MMP26: variants seen among roughly 807,000 people sequenced by gnomAD.
The protein encoded by MMP26 is matrix metallopeptidase 26.
Under a neutral mutation model 31.0 loss-of-function variants are expected in MMP26, and 33 were observed. The observed-to-expected ratio is 1.06, with a 90% CI of 0.81 to 1.42. MMP26 has a LOEUF of 1.42. Among genes scored for constraint, MMP26 ranks in the 40% most tolerant of loss-of-function variants. The pLI is 0.00. For missense variants in MMP26, 347 were observed against 316.1 expected (o/e 1.10, Z -0.74); for synonymous variants, 122 against 114.9 (o/e 1.06, Z -0.40).
intron 2 of MMP26, chr11:4,803,912 G>T (rs773838194): frequency 6.2e-7 from 1 of 1,613,296 alleles, no homozygotes; most frequent in South Asian, 1.1e-5. Flanking sequence ...CTCACCCACA[G>T]CAGCCCTCTC....
At chr11:4,933,232 A>G (rs542439299) in intron 2 of MMP26, among the ~76,000 whole-genome samples, 2 of 152,024 alleles carry the variant, frequency 1.3e-5, no homozygotes, top group African/African-American at 4.8e-5. Flanking sequence ...TGTTATCTCA[A>G]TGTTTGCTAA....
At chr11:4,791,938 T>C (rs1376435965) in intron 2 of MMP26, among the ~76,000 whole-genome samples, 1 of 151,916 alleles carries the variant, frequency 6.6e-6, no homozygotes, top group South Asian at 2.1e-4. Context: ...TAGGTTTTCT[T>C]TGGGTCTTTA....
intron 2 of MMP26, among the ~76,000 whole-genome samples, chr11:4,925,291 A>C (rs1321603250): frequency 1.3e-5 from 2 of 152,186 alleles, no homozygotes; most frequent in African/African-American, 4.8e-5. Context: ...GTATTTTCCC[A>C]CTACTATTGC....
intron 1 of MMP26, among the ~76,000 whole-genome samples, chr11:4,705,853 T>C (rs1847768627): frequency 7.1e-6 from 1 of 140,734 alleles, no homozygotes; most frequent in Non-Finnish European, 1.7e-5. Context: ...CTGGGTGTGG[T>C]GGCATGTACC....
intron 2 of MMP26, among the ~76,000 whole-genome samples, chr11:4,884,957 A>C (rs1169365814): frequency 1.3e-5 from 2 of 152,116 alleles, no homozygotes; most frequent in East Asian, 1.9e-4. Context: ...ATTGAATTCC[A>C]GAGGTTTTAG....
chr11:4,943,540 A>G (rs1477229724), intron 2 of MMP26: 2 of 455,432 alleles, frequency 4.4e-6, no homozygotes, highest in African/African-American at 2.0e-5. Context: ...TCTTTTGGGT[A>G]AGGGCTATCC....
In MMP26 at chr11:4,946,693, T is replaced by G. The variant is rs142601496; in HGVS notation, c.-144-41375T>G. ...GGGCAACTCTGACAGTTGTCAGGAT[T>G]GAGGTGTATCTCAGAGGGTTGTGGA... is the stretch of plus-strand genomic sequence containing the variant. On this transcript the variant is annotated intron_variant, in intron 2 of 7. Coordinates refer to ENST00000380390, the MANE Select transcript of MMP26 (RefSeq NM_021801.5). The G allele has an allele frequency of 1.4e-3, 2,289 of 1,591,214 alleles. 1 individual carries two copies. The highest frequency in any genetic ancestry group is 5.1e-4 in the Middle Eastern group (3 of 5,912).
rs146745090 is a variant in MMP26 at position 4,982,066 on chromosome 11, G to GTATA, written c.-144-5991_-144-5988dup. 4.4e-3 allele frequency among the ~76,000 whole-genome samples: 657 copies of GTATA among 148,872 alleles called. 3 individuals carry two copies. Among genetic ancestry groups the GTATA allele is most frequent in the African/African-American group, 0.013 (533 of 40,460 alleles). ...TAACTTTACATATATATGTATGTATGTATATATATATATACACACAATATA... is the reference window on the plus strand; with the variant it reads ...TAACTTTACATATATATGTATGTATGTATATATATATATATATACACACAATATA... On this transcript the variant is annotated intron_variant, in intron 2 of 7. Coordinates refer to ENST00000380390, the MANE Select transcript of MMP26 (RefSeq NM_021801.5).
chr11:4,900,782 T>G (rs573946973), intron 2 of MMP26, among the ~76,000 whole-genome samples: 1 of 152,274 alleles, frequency 6.6e-6, no homozygotes, highest in South Asian at 2.1e-4. Flanking sequence ...TCTTTCTCCT[T>G]CCAACAGCCT....
In MMP26 at chr11:4,986,936, T is replaced by C. The variant is rs367946574; in HGVS notation, c.-144-1132T>C. Among the ~76,000 whole-genome samples the C allele has an allele frequency of 9.6e-4, 109 of 113,136 alleles. 1 individual carries two copies. Among genetic ancestry groups the C allele is most frequent in the African/African-American group, 3.0e-3 (66 of 21,752 alleles). 74.2% of individuals were successfully genotyped at this position (113,136 alleles called of 152,430 possible). ...CTCTCTCTCTCTCTCTCTCTCCCTCTCTCTCTCTCTCTCTCTCTCTCTCCC... is the reference window on the plus strand; with the variant it reads ...CTCTCTCTCTCTCTCTCTCTCCCTCCCTCTCTCTCTCTCTCTCTCTCTCCC... On this transcript the variant is annotated intron_variant, in intron 2 of 7. Coordinates refer to ENST00000380390, the MANE Select transcript of MMP26 (RefSeq NM_021801.5).
chr11:4,925,903 G>T (rs1279128851), intron 2 of MMP26, among the ~76,000 whole-genome samples: 1 of 152,014 alleles, frequency 6.6e-6, no homozygotes, highest in Non-Finnish European at 1.5e-5. Context: ...GCATTGTAAG[G>T]GCTTACCTTA....
intron 2 of MMP26, among the ~76,000 whole-genome samples, chr11:4,840,013 A>C (rs1045098224): frequency 2.6e-5 from 4 of 152,134 alleles, no homozygotes; most frequent in Non-Finnish European, 5.9e-5. Flanking sequence ...CTTGGGCCTT[A>C]CAGGAACATC....
chr11:4,907,104 A>AAAAAAAAAAAAAC, intron 2 of MMP26, among the ~76,000 whole-genome samples: 1 of 150,540 alleles, frequency 6.6e-6, no homozygotes, highest in Non-Finnish European at 1.5e-5. Flanking sequence ...CTAAAAAAAA[A>AAAAAAAAAAAAAC]AAAAAAAAAA....
intron 2 of MMP26, among the ~76,000 whole-genome samples, chr11:4,926,154 A>G (rs1291752451): frequency 7.0e-6 from 1 of 143,844 alleles, no homozygotes; most frequent in Non-Finnish European, 1.6e-5. Flanking sequence ...ATCCAAATGA[A>G]TAACAATAAA....
At chr11:4,936,349 T>A (rs1426161356) in intron 2 of MMP26, among the ~76,000 whole-genome samples, 1 of 152,000 alleles carries the variant, frequency 6.6e-6, no homozygotes, top group Non-Finnish European at 1.5e-5. Flanking sequence ...TTCTAGATTT[T>A]CTAGTTTATT....
chr11:4,848,458 G>A (rs1216674692), intron 2 of MMP26: 6 of 1,613,546 alleles, frequency 3.7e-6, no homozygotes, highest in South Asian at 1.1e-5. Flanking sequence ...GCAGAGAGGT[G>A]GGCAGCACAG....
chr11:4,897,664 T>C (rs988692489), intron 2 of MMP26, among the ~76,000 whole-genome samples: 1 of 151,864 alleles, frequency 6.6e-6, no homozygotes, highest in Non-Finnish European at 1.5e-5. Flanking sequence ...TACTTGTTTG[T>C]ATTTTTTTTT....
chr11:4,962,386 C>T (rs1374170253), intron 2 of MMP26, among the ~76,000 whole-genome samples: 2 of 152,118 alleles, frequency 1.3e-5, no homozygotes, highest in Non-Finnish European at 2.9e-5. Flanking sequence ...TTAGGAGAGT[C>T]ATAAGGTTGC....
At chr11:4,755,869 C>T (rs1848498918) in intron 1 of MMP26, among the ~76,000 whole-genome samples, 1 of 151,916 alleles carries the variant, frequency 6.6e-6, no homozygotes, top group Admixed American at 6.6e-5. Flanking sequence ...GAAAAAAATA[C>T]TAGCATAAAT....
Sources: gnomAD v4.1 joint callset for allele counts (sites outside exome capture counted in the v4.1 genomes callset) on GRCh38, gnomAD v4.1.1 for gene constraint, MANE v1.5 for transcripts, NCBI Gene and HGNC (gene_info 2026-07-23, HGNC 2026-07-21) for gene names.